Variants in PIEZO1 observed in about 807,000 individuals in gnomAD.
PIEZO1 encodes the protein piezo-type mechanosensitive ion channel component 1.
In PIEZO1, 296 loss-of-function variants were observed where a neutral mutation model predicts 297.2. The observed-to-expected ratio is 1.00, with a 90% CI of 0.91 to 1.10. The LOEUF (loss-of-function observed/expected upper bound fraction) is 1.10. PIEZO1 is among the 50% of genes least tolerant of loss of function. PIEZO1 has a pLI of 0.00. For synonymous variants in PIEZO1, 2,427 were observed against 1,507.5 expected (o/e 1.61, Z -14.13); for missense variants, 5,018 against 3,455.5 (o/e 1.45, Z -11.34).
At position 88,719,690 on chromosome 16, in the gene PIEZO1, G is replaced by A. The variant is rs538239627; in HGVS notation, c.6355C>T (p.Arg2119Trp). The change falls in exon 44 of 51, where the codon CGG becomes TGG. Residue 2119 changes from arginine (R) to tryptophan (W), a missense_variant. Physicochemically the swap from Arg to Trp is moderately radical, Grantham distance 101 (BLOSUM62 -3). Transcript: ENST00000301015. ...FRLVPFLVELRAVMDWVWTDT... is the reference protein window; with the variant it reads ...FRLVPFLVELWAVMDWVWTDT... Reference sequence around the variant, plus strand: ...GTCCACACCCAGTCCATCACTGCCCGCAGCTCCACCAGGAACGGCACCAGC... The same window carrying A: ...GTCCACACCCAGTCCATCACTGCCCACAGCTCCACCAGGAACGGCACCAGC... 20 of 1,552,446 alleles carry A rather than the reference G, an allele frequency of 1.3e-5. No homozygotes were observed. In the Admixed American group the frequency reaches 2.7e-4, roughly 21 times the overall value.
Position 88,723,344 on chromosome 16 carries a change from C to A in PIEZO1, c.4336-16G>T. ...GGTACGCCAGCTGTCGGCCAGCCCC[C>A]GGGTTAGGACCCGGCCTCCCGAGCC... is the stretch of plus-strand genomic sequence containing the variant. On this transcript the variant is annotated splice_polypyrimidine_tract_variant and intron_variant, in intron 31 of 50. Transcript: ENST00000301015. The A allele has an allele frequency of 1.3e-6, 2 of 1,536,340 alleles. No homozygotes were observed. The highest frequency in any genetic ancestry group is 1.7e-6 in the Non-Finnish European group (2 of 1,146,410).
In PIEZO1 at chr16:88,723,124, G is replaced by A. The variant is rs1400954584; in HGVS notation, c.4466C>T (p.Pro1489Leu). 6.5e-7 allele frequency: 1 copy of A among 1,548,926 alleles called. No individual in the cohort carries two copies. Among genetic ancestry groups the A allele is most frequent in the Admixed American group, 2.0e-5 (1 of 51,008 alleles). Residue 1489 changes from proline to leucine, a missense_variant, in exon 33 of 51, where the codon CCA becomes CTA. Transcript: ENST00000301015. ...TGGGPSQEVE[P>L]AEGPEEAAAG... ...CGCTGCCTCCTCGGGGCCCTCTGCTGGCTCCACCTCCTGGCTGGGACCACC... is the reference window on the plus strand; with the variant it reads ...CGCTGCCTCCTCGGGGCCCTCTGCTAGCTCCACCTCCTGGCTGGGACCACC...
At chr16:88,767,010 G>C (rs1907209909) in intron 1 of PIEZO1, among the ~76,000 whole-genome samples, 1 of 152,242 alleles carries the variant, frequency 6.6e-6, no homozygotes, top group Admixed American at 6.5e-5. Context: ...GGTCCTCACA[G>C]TCAGCCTGTG....
At chr16:88,768,358 G>A (rs961792578) in intron 1 of PIEZO1, among the ~76,000 whole-genome samples, 1 of 152,240 alleles carries the variant, frequency 6.6e-6, no homozygotes, top group African/African-American at 2.4e-5. Flanking sequence ...TGATTAAGTG[G>A]CCACTTAAGA....
intron 1 of PIEZO1, among the ~76,000 whole-genome samples, chr16:88,768,024 C>T (rs999646956): frequency 1.3e-4 from 20 of 152,224 alleles, no homozygotes; most frequent in African/African-American, 4.8e-4. Flanking sequence ...GAGGGGACCC[C>T]GTGGACCAGA....
intron 2 of PIEZO1, among the ~76,000 whole-genome samples, chr16:88,744,731 G>A (rs1027253683): frequency 1.3e-5 from 2 of 151,934 alleles, no homozygotes; most frequent in African/African-American, 2.4e-5. Flanking sequence ...GAACAGCTGG[G>A]CCATGATCCC....
intron 19 of PIEZO1, chr16:88,732,970 G>C (rs935918010): frequency 1.7e-6 from 1 of 585,996 alleles, no homozygotes; most frequent in Non-Finnish European, 3.0e-6. Context: ...AGGGATGTGC[G>C]AGAAGGTCCC....
Position 88,733,728 on chromosome 16 carries a change from G to A in PIEZO1, c.2347C>T (p.Leu783=), listed in dbSNP as rs759116313. Residue 783 remains leucine, a synonymous_variant, in exon 18 of 51, where the codon CTG becomes TTG. Coordinates refer to ENST00000301015, the MANE Select transcript of PIEZO1 (RefSeq NM_001142864.4). ...AGCTCCAGCAGCCGCTCAGCCACCAGGCCCCACTTGGCTGCCCCTGTGATG... is the reference window on the plus strand; with the variant it reads ...AGCTCCAGCAGCCGCTCAGCCACCAAGCCCCACTTGGCTGCCCCTGTGATG... ...QVPEGAAKWG[L]VAERLLELAA... is the part of the protein sequence containing the mutation. 3 of 1,545,578 alleles carry A rather than the reference G, an allele frequency of 1.9e-6. No homozygotes were observed. Among genetic ancestry groups the A allele is most frequent in the African/African-American group, 2.7e-5 (2 of 72,970 alleles).
At chr16:88,728,378 G>C (rs1037908165) in intron 22 of PIEZO1, among the ~76,000 whole-genome samples, 35 of 152,276 alleles carry the variant, frequency 2.3e-4, no homozygotes, top group Non-Finnish European at 4.6e-4. Flanking sequence ...GGAACCTCGC[G>C]ACACAAAAAC....
intron 12 of PIEZO1, 21 bp downstream of exon 12, chr16:88,736,127 G>C (rs976687969): frequency 3.9e-6 from 6 of 1,529,132 alleles, no homozygotes; most frequent in Non-Finnish European, 4.4e-6. Context: ...GGCACCCCCG[G>C]ATGTGGTGGT....
Position 88,737,630 on chromosome 16 carries a change from G to A in PIEZO1, c.1124C>T (p.Ala375Val), listed in dbSNP as rs1373883375. The change falls in exon 10 of 51, where the codon GCA becomes GTA. Residue 375 changes from alanine to valine, a missense_variant. Physicochemically the swap from Ala to Val is moderately conservative, Grantham distance 64. Coordinates refer to ENST00000301015, the MANE Select transcript of PIEZO1 (RefSeq NM_001142864.4). ...GCAGTTATCAGCCTCGGTGTCGGGT[G>A]CTGTGGGCACCACGTGCTGTGGGCA... ...RESDQHVVPT[A>V]PDTEADNCIV... is the part of the protein sequence containing the mutation. 4 of 1,534,852 alleles carry A rather than the reference G, an allele frequency of 2.6e-6. No homozygotes were observed. In the East Asian group the frequency reaches 9.8e-5, roughly 38 times the overall value.
In PIEZO1 at chr16:88,720,382, C is replaced by T; in HGVS notation, c.5949+3G>A. ...CTGGGTTTGGGTCCCGGGCCTGGCTCACCCCAAAGGCCCAGAAGCCAAAAA... is the reference window on the plus strand; with the variant it reads ...CTGGGTTTGGGTCCCGGGCCTGGCTTACCCCAAAGGCCCAGAAGCCAAAAA... On this transcript the variant is annotated splice_donor_region_variant and intron_variant, in intron 41 of 50. Coordinates refer to ENST00000301015, the MANE Select transcript of PIEZO1 (RefSeq NM_001142864.4). The T allele has an allele frequency of 6.5e-7, 1 of 1,550,350 alleles. No individual in the cohort carries two copies.
At chr16:88,741,193 T>C in intron 5 of PIEZO1, 1 of 305,676 alleles carries the variant, frequency 3.3e-6, no homozygotes, top group South Asian at 4.7e-5. Flanking sequence ...CACCACCGCG[T>C]GGCCCCAAAT....
intron 1 of PIEZO1, among the ~76,000 whole-genome samples, chr16:88,780,984 G>C (rs1242800148): frequency 6.6e-6 from 1 of 152,222 alleles, no homozygotes; most frequent in Non-Finnish European, 1.5e-5. Context: ...AAGCCTAACT[G>C]TCTATTTCTA....
rs961346485 is a variant in PIEZO1 at position 88,736,726 on chromosome 16, C to A, written c.1209G>T (p.Arg403=). ...GCGGAGACGCCTCCCTGGGCTCAGCCCGCTTGGGCCGCACTGCAGGTGGGG... is the reference window on the plus strand; with the variant it reads ...GCGGAGACGCCTCCCTGGGCTCAGCACGCTTGGGCCGCACTGCAGGTGGGG... ...SVLRRPVRPK[R]AEPREASPLH... is the part of the protein sequence containing the mutation. Residue 403 remains arginine (R), a synonymous_variant, in exon 11 of 51, where the codon CGG becomes CGT. Transcript: ENST00000301015. The A allele has an allele frequency of 1.3e-6, 2 of 1,530,014 alleles. No homozygotes were observed. The allele number at this position is 1,530,014 out of a possible 1,614,324, so 94.8% of individuals were successfully genotyped here.
chr16:88,741,316 TG>T, intron 5 of PIEZO1, 161 bp downstream of exon 5: 2 of 643,510 alleles, frequency 3.1e-6, no homozygotes, highest in South Asian at 2.0e-5. Flanking sequence ...AACTGCAGGC[TG>T]GGCCCCGGGG....
chr16:88,747,648 C>A lies in PIEZO1; in HGVS notation c.160+1736G>T, dbSNP rs1264653497. 2.6e-5 allele frequency among the ~76,000 whole-genome samples: 4 copies of A among 152,330 alleles called. No individual in the cohort carries two copies. In the East Asian group the frequency reaches 7.7e-4, roughly 29 times the overall value. The stretch of plus-strand genomic sequence containing the variant: ...CACCTGCAGCTGGCAGAACGATGGA[C>A]CCCAATGATGCCTGCACCCCAGTCC... On this transcript the variant is annotated intron_variant, in intron 2 of 50. Coordinates refer to ENST00000301015, the MANE Select transcript of PIEZO1 (RefSeq NM_001142864.4).
rs573920391 is a variant in PIEZO1, at chr16:88,726,477, G to A, written c.3797-22C>T. ...TTGGCTGCAAGGCAGGCACCGGCAA[G>A]GGTCAGGCCCAGGGCCCAGGAGCAG... On this transcript the variant is annotated intron_variant, in intron 26 of 50. Coordinates refer to ENST00000301015, the MANE Select transcript of PIEZO1 (RefSeq NM_001142864.4). 2.9e-5 allele frequency: 45 copies of A among 1,548,702 alleles called. No individual in the cohort carries two copies. The South Asian group carries it at 4.9e-4, about 17-fold the overall frequency.
chr16:88,742,862 T>G, intron 2 of PIEZO1: 1 of 355,576 alleles, frequency 2.8e-6, no homozygotes, highest in Admixed American at 3.7e-5. Flanking sequence ...TGAGCAGCCG[T>G]GGCTGGGGTG....
Sources: allele counts gnomAD v4.1 joint callset (sites outside exome capture counted in the v4.1 genomes callset), GRCh38; gene constraint gnomAD v4.1.1; transcripts MANE v1.5; gene names NCBI Gene and HGNC (gene_info 2026-07-23, HGNC 2026-07-21).